NEK8: variants seen among roughly 807,000 people sequenced by gnomAD.
NEK8 encodes the protein NIMA related kinase 8.
NEK8 carries 51 observed loss-of-function variants against 77.2 expected under a neutral mutation model. That is an observed-to-expected ratio of 0.66 (90% CI 0.53 to 0.83). The LOEUF is 0.83. Among genes scored for constraint, NEK8 ranks in the 40% least tolerant of loss-of-function variants. The probability of loss-of-function intolerance (pLI) is 0.00; values close to 1 mark genes in which losing one functional copy is unlikely to be tolerated. For synonymous variants in NEK8, 365 were observed against 363.2 expected (o/e 1.00, Z -0.06); for missense variants, 787 against 909.2 (o/e 0.87, Z 1.73).
intron 9 of NEK8, 81 bp downstream of exon 9, chr17:28,738,828 G>A (rs574410319): frequency 3.4e-6 from 4 of 1,160,130 alleles, no homozygotes; most frequent in Non-Finnish European, 5.2e-6. Context: ...CCAGATTGGG[G>A]GCAGGGGAGT....
chr17:28,732,545 CTTTT>C (rs1054257308), intron 1 of NEK8, among the ~76,000 whole-genome samples: 1 of 77,910 alleles, frequency 1.3e-5, no homozygotes, highest in African/African-American at 5.4e-5. Context: ...TTTTTCTTTT[CTTTT>C]TTTTTTTTTT....
Position 28,741,180 on chromosome 17 carries a change from G to A in NEK8, c.1835G>A (p.Gly612Asp), listed in dbSNP as rs755254082. The A allele has an allele frequency of 6.2e-7, 1 of 1,613,552 alleles. No individual in the cohort carries two copies. The highest frequency in any genetic ancestry group is 2.2e-5 in the East Asian group (1 of 44,870). ...CCCTGTAAGGTCCAAGGCCTTGAGG[G>A]CATCAAGATGGCAATGGTAGCCTGT... ...RAPCKVQGLEGIKMAMVACGD... is the reference protein window; with the variant it reads ...RAPCKVQGLEDIKMAMVACGD... Residue 612 changes from glycine (G) to aspartate (D), a missense_variant, in exon 13 of 15, where the codon GGC becomes GAC. This residue lies in a region of NEK8 where 516 missense variants were observed against 544.0 expected (regional missense o/e 0.95). Coordinates refer to ENST00000268766, the MANE Select transcript of NEK8 (RefSeq NM_178170.3). The surrounding 1 kb of genome is among the most constrained non-coding windows in gnomAD (Gnocchi z 4.5).
chr17:28,728,958 G>C (rs757726952), intron 1 of NEK8, 98 bp downstream of exon 1: 4 of 1,152,236 alleles, frequency 3.5e-6, no homozygotes, highest in Non-Finnish European at 5.1e-6. Context: ...CCGCCCCAAG[G>C]CGTGAGCGCC....
chr17:28,735,006 T>A lies in NEK8; in HGVS notation c.486+2T>A. The stretch of plus-strand genomic sequence containing the variant: ...AGCAGCAAGAGCAAGGCCTACACGG[T>A]GCCTGGGCATGGAAGGGACCTCCAG... On this transcript the variant is annotated splice_donor_variant, in intron 3 of 14. Transcript: ENST00000268766. LOFTEE classifies it high-confidence loss of function. 6.2e-7 allele frequency: 1 copy of A among 1,606,798 alleles called. No individual in the cohort carries two copies. The highest frequency in any genetic ancestry group is 8.5e-7 in the Non-Finnish European group (1 of 1,176,070).
In NEK8 at chr17:28,740,509, G is replaced by A. The variant is rs200147224; in HGVS notation, c.1464G>A (p.Gln488=). 47 of 1,614,150 alleles carry A rather than the reference G, an allele frequency of 2.9e-5. No individual in the cohort carries two copies. The African/African-American group carries it at 5.1e-4, about 17-fold the overall frequency. The part of the protein sequence containing the change: ...GTRESHSCPQ[Q]VPMPPGQEAQ... ...GGGAGTCCCACAGCTGCCCCCAGCAGGTGCCCATGCCCCCAGGACAGGAAG... is the reference window on the plus strand; with the variant it reads ...GGGAGTCCCACAGCTGCCCCCAGCAAGTGCCCATGCCCCCAGGACAGGAAG... The change falls in exon 11 of 15, where the codon CAG becomes CAA. Residue 488 remains glutamine, a synonymous_variant. Transcript: ENST00000268766. The surrounding 1 kb of genome is among the most constrained non-coding windows in gnomAD (Gnocchi z 4.7).
Position 28,741,435 on chromosome 17 carries a change from C to T in NEK8, c.1914C>T (p.Gly638=). The T allele has an allele frequency of 6.2e-7, 1 of 1,614,094 alleles. No individual in the cohort carries two copies. Among genetic ancestry groups the T allele is most frequent in the East Asian group, 2.2e-5 (1 of 44,874 alleles). ...CAGAGAGCGAAGTGTACTCTTGGGG[C>T]AAAGGGGCGCGAGGTCGATTGGGAA... The part of the protein sequence containing the change: ...IGAESEVYSW[G]KGARGRLGRR... The change falls in exon 14 of 15, where the codon GGC becomes GGT. Residue 638 remains glycine, a synonymous_variant. Transcript: ENST00000268766. This position sits in a 1 kb window ranked among gnomAD's most constrained non-coding sequence, Gnocchi z 4.5.
rs1261106498 is a variant in NEK8, at chr17:28,737,486, A to G, written c.799A>G (p.Thr267Ala). The change falls in exon 5 of 15, where the codon ACC (threonine) becomes GCC (alanine). Residue 267 changes from threonine (T) to alanine (A), a missense_variant. By Grantham distance (58) the Thr-to-Ala change is moderately conservative (BLOSUM62 0). Around this residue, in one of 2 missense-constraint regions of NEK8, gnomAD observed 271 missense variants for 365.1 expected, o/e 0.74. Transcript: ENST00000268766. This position sits in a 1 kb window ranked among gnomAD's most constrained non-coding sequence, Gnocchi z 4.8. ...LCIRALLNLH[T>A]DVGSVRMRRA... ...CATCCGTGCCCTCCTCAACCTCCAC[A>G]CCGACGTGGGCAGTGTCCGCATGCG... is the stretch of plus-strand genomic sequence containing the variant. 1 of 1,612,936 alleles carries G rather than the reference A, an allele frequency of 6.2e-7. No individual in the cohort carries two copies. The highest frequency in any genetic ancestry group is 8.5e-7 in the Non-Finnish European group (1 of 1,179,956).
At position 28,737,766 on chromosome 17, in the gene NEK8, G is replaced by A. The variant is rs1242477413; in HGVS notation, c.889+30G>A. ...GTGGGAAGAGGCCGCCAGTCCCCAT[G>A]GATGCCACACCATTCCCATCAGTTT... On this transcript the variant is annotated intron_variant, in intron 6 of 14. Transcript: ENST00000268766. This position sits in a 1 kb window ranked among gnomAD's most constrained non-coding sequence, Gnocchi z 4.8. 4 of 1,614,050 alleles carry A rather than the reference G, an allele frequency of 2.5e-6. No individual in the cohort carries two copies. Among genetic ancestry groups the A allele is most frequent in the Non-Finnish European group, 3.4e-6 (4 of 1,180,024 alleles).
chr17:28,741,514 C>G lies in NEK8; in HGVS notation c.1993C>G (p.Pro665Ala), dbSNP rs1229180678. 5 of 1,614,108 alleles carry G rather than the reference C, an allele frequency of 3.1e-6. No homozygotes were observed. Among genetic ancestry groups the G allele is most frequent in the Non-Finnish European group, 4.2e-6 (5 of 1,179,994 alleles). ...PRPVQLDETHPYTVTSVSCCH... is the reference protein window; with the variant it reads ...PRPVQLDETHAYTVTSVSCCH... ...GCCAGTGCAGTTGGATGAGACACAC[C>G]CTTACACGGTGACTTCCGTGTCCTG... is the stretch of plus-strand genomic sequence containing the variant. Residue 665 changes from proline (P) to alanine (A), a missense_variant, in exon 14 of 15, where the codon CCT becomes GCT. By Grantham distance (27) the Pro-to-Ala change is conservative. Transcript: ENST00000268766. The surrounding 1 kb of genome is among the most constrained non-coding windows in gnomAD (Gnocchi z 4.5).
chr17:28,733,915 G>A (rs1368365769), intron 1 of NEK8, 68 bp from the exon 2 acceptor site: 12 of 1,363,400 alleles, frequency 8.8e-6, no homozygotes, highest in Non-Finnish European at 1.1e-5. Context: ...TCACTAGGCT[G>A]CACCGCCCTG....
intron 4 of NEK8, 96 bp downstream of exon 4, chr17:28,735,467 G>A: frequency 7.2e-7 from 1 of 1,379,882 alleles, no homozygotes; most frequent in Non-Finnish European, 1.0e-6. Context: ...CTCTAGCTGA[G>A]TCATGTCTCT....
chr17:28,730,112 T>A (rs759350007), intron 1 of NEK8, among the ~76,000 whole-genome samples: 1 of 151,888 alleles, frequency 6.6e-6, no homozygotes, highest in East Asian at 1.9e-4. Flanking sequence ...GGTTTTGTTT[T>A]GTTTTTGTTT....
intron 10 of NEK8, among the ~76,000 whole-genome samples, chr17:28,739,429 G>A (rs897277549): frequency 3.9e-5 from 6 of 152,166 alleles, no homozygotes; most frequent in Admixed American, 3.3e-4. Flanking sequence ...AGGTAATGAA[G>A]GAAATTTCAT....
At position 28,740,492 on chromosome 17, in the gene NEK8, C is replaced by T; in HGVS notation, c.1447C>T (p.His483Tyr). The T allele has an allele frequency of 6.2e-7, 1 of 1,614,116 alleles. No individual in the cohort carries two copies. The highest frequency in any genetic ancestry group is 8.5e-7 in the Non-Finnish European group (1 of 1,180,006). Reference protein sequence around the residue: ...GRLGLGTRESHSCPQQVPMPP... With the variant: ...GRLGLGTRESYSCPQQVPMPP... The stretch of plus-strand genomic sequence containing the variant: ...ACTGGGGCTAGGCACCAGGGAGTCC[C>T]ACAGCTGCCCCCAGCAGGTGCCCAT... Residue 483 changes from histidine to tyrosine, a missense_variant, in exon 11 of 15, where the codon CAC becomes TAC. This residue lies in a region of NEK8 where 516 missense variants were observed against 544.0 expected (regional missense o/e 0.95). Transcript: ENST00000268766. This position sits in a 1 kb window ranked among gnomAD's most constrained non-coding sequence, Gnocchi z 4.7.
chr17:28,737,984 G>C lies in NEK8; in HGVS notation c.1055G>C (p.Arg352Pro). The C allele has an allele frequency of 1.2e-6, 2 of 1,611,944 alleles. No individual in the cohort carries two copies. The highest frequency in any genetic ancestry group is 1.7e-6 in the Non-Finnish European group (2 of 1,178,836). Residue 352 changes from arginine (R) to proline (P), a missense_variant, in exon 7 of 15, where the codon CGT becomes CCT. By Grantham distance (103) the Arg-to-Pro change is moderately radical (BLOSUM62 -2). This residue lies in a region of NEK8 where 516 missense variants were observed against 544.0 expected (regional missense o/e 0.95). Coordinates refer to ENST00000268766, the MANE Select transcript of NEK8 (RefSeq NM_178170.3). The surrounding 1 kb of genome is among the most constrained non-coding windows in gnomAD (Gnocchi z 4.8). ...TQKAGVTRSG[R>P]LILWEAPPLG... is the part of the protein sequence containing the mutation. ...AAAGCCGGCGTCACGCGCTCTGGGC[G>C]TCTCATCCTGTGGGAGGTGAGCAGG...
Position 28,742,008 on chromosome 17 carries a change from G to C in NEK8, c.*21G>C, listed in dbSNP as rs747292987. ...CCTGAGGCACCCGGATTCACCTCTG[G>C]ACCACCCTGATATTGCTTCTCCTCT... On this transcript the variant is annotated 3_prime_UTR_variant, in exon 15 of 15. Transcript: ENST00000268766. 9 of 1,612,468 alleles carry C rather than the reference G, an allele frequency of 5.6e-6. No homozygotes were observed.
rs2034416583 is a variant in NEK8 at position 28,741,090 on chromosome 17, G to C, written c.1745G>C (p.Cys582Ser). 1.9e-6 allele frequency: 3 copies of C among 1,614,082 alleles called. No individual in the cohort carries two copies. The highest frequency in any genetic ancestry group is 2.5e-6 in the Non-Finnish European group (3 of 1,180,038). ...HSAAVTASGD[C>S]YTFGSNQHGQ... ...CTCTCCCCCATAGCCTCGGGTGATTGCTACACTTTTGGCAGCAATCAGCAC... is the reference window on the plus strand; with the variant it reads ...CTCTCCCCCATAGCCTCGGGTGATTCCTACACTTTTGGCAGCAATCAGCAC... The change falls in exon 13 of 15, where the codon TGC (cysteine) becomes TCC (serine). Residue 582 changes from cysteine to serine, a missense_variant. Around this residue, in one of 2 missense-constraint regions of NEK8, gnomAD observed 516 missense variants for 544.0 expected, o/e 0.95. Coordinates refer to ENST00000268766, the MANE Select transcript of NEK8 (RefSeq NM_178170.3). This position sits in a 1 kb window ranked among gnomAD's most constrained non-coding sequence, Gnocchi z 4.5.
chr17:28,737,714 G>T lies in NEK8; in HGVS notation c.867G>T (p.Arg289Ser). 1 of 1,614,118 alleles carries T rather than the reference G, an allele frequency of 6.2e-7. No individual in the cohort carries two copies. Among genetic ancestry groups the T allele is most frequent in the Non-Finnish European group, 8.5e-7 (1 of 1,180,016 alleles). Residue 289 changes from arginine (R) to serine (S), a missense_variant, in exon 6 of 15, where the codon AGG (arginine) becomes AGT (serine). Around this residue, in one of 2 missense-constraint regions of NEK8, gnomAD observed 516 missense variants for 544.0 expected, o/e 0.95. Transcript: ENST00000268766. The surrounding 1 kb of genome is among the most constrained non-coding windows in gnomAD (Gnocchi z 4.8). ...KSVAPSNTGS[R>S]TTSVRCRGIP... The stretch of plus-strand genomic sequence containing the variant: ...TGGCCCCCAGCAACACAGGGAGCAG[G>T]ACCACCAGTGTCCGCTGCAGAGGTA...
In NEK8 at chr17:28,740,363, C is replaced by A; in HGVS notation, c.1418-100C>A. 1 of 987,266 alleles carries A rather than the reference C, an allele frequency of 1.0e-6. No homozygotes were observed. The highest frequency in any genetic ancestry group is 1.6e-6 in the Non-Finnish European group (1 of 610,558). 61.2% of individuals were successfully genotyped at this position (987,266 alleles called of 1,614,324 possible). On this transcript the variant is annotated intron_variant, in intron 10 of 14. Transcript: ENST00000268766. This position sits in a 1 kb window ranked among gnomAD's most constrained non-coding sequence, Gnocchi z 4.7. ...GGAAAGGCATTTGGGACTGAGAGAA[C>A]AGAGAACTCATGCTGTTCCCTCCCC...
Sources: allele counts gnomAD v4.1 joint callset (sites outside exome capture counted in the v4.1 genomes callset), GRCh38; gene constraint gnomAD v4.1.1; regional missense constraint gnomAD v4.1.1; non-coding constraint Gnocchi (gnomAD v3.1); transcripts MANE v1.5; gene names NCBI Gene and HGNC (gene_info 2026-07-23, HGNC 2026-07-21).